The following LRRC9 variants were observed in gnomAD, a reference collection of about 807,000 sequenced individuals.
LRRC9 encodes leucine-rich repeat-containing protein 9.
LRRC9 carries 122 observed loss-of-function variants against 63.2 expected under a neutral mutation model. The observed-to-expected ratio is 1.93, with a 90% CI of 1.67 to 2.24. LRRC9 has a LOEUF of 2.24. LRRC9 is among the 30% of genes most tolerant of loss of function. The probability of loss-of-function intolerance (pLI) is 0.00; values close to 1 mark genes in which losing one functional copy is unlikely to be tolerated. For missense variants in LRRC9, 1,071 were observed against 627.7 expected (o/e 1.71, Z -7.55); for synonymous variants, 366 against 213.1 (o/e 1.72, Z -6.25).
rs1227089325 is a variant in LRRC9 at position 60,063,313 on chromosome 14, T to C, written c.4277-10T>C. On this transcript the variant is annotated splice_polypyrimidine_tract_variant and intron_variant, in intron 31 of 31. Transcript: ENST00000445360. ...CCACTATTTGACTAATTAAATCTTATTTCTTACAGAATTTTTGGGAGCAAC... is the reference window on the plus strand; with the variant it reads ...CCACTATTTGACTAATTAAATCTTACTTCTTACAGAATTTTTGGGAGCAAC... 2 of 701,512 alleles carry C rather than the reference T, an allele frequency of 2.9e-6. No individual in the cohort carries two copies. The highest frequency in any genetic ancestry group is 1.5e-5 in the South Asian group (1 of 67,356). The allele number at this position is 701,512 out of a possible 1,614,324, so 43.5% of individuals were successfully genotyped here.
In LRRC9 at chr14:59,938,265, TC is replaced by T; in HGVS notation, c.544-124del. ...GAGAGAAACATTTTAGGCATCTAAA[TC>T]ACTTTAATGTATTTAAGCGCATAAT... On this transcript the variant is annotated intron_variant, in intron 6 of 31. Coordinates refer to ENST00000445360, the Ensembl canonical transcript of LRRC9. The surrounding 1 kb of genome is among the most constrained non-coding windows in gnomAD (Gnocchi z 4.2). 2.2e-6 allele frequency: 1 copy of T among 462,858 alleles called. No individual in the cohort carries two copies. The highest frequency in any genetic ancestry group is 3.8e-6 in the Non-Finnish European group (1 of 264,140). The allele number at this position is 462,858 out of a possible 1,614,324, so 28.7% of individuals were successfully genotyped here.
rs183994778 is a variant in LRRC9, at chr14:60,051,975, C to T, written c.3991-1090C>T. Among the ~76,000 whole-genome samples the T allele has an allele frequency of 8.9e-3, 1,362 of 152,320 alleles. 17 individuals are homozygous for T. The highest frequency in any genetic ancestry group is 0.01 in the Middle Eastern group (3 of 294). On this transcript the variant is annotated intron_variant, in intron 29 of 31. Coordinates refer to ENST00000445360, the Ensembl canonical transcript of LRRC9. The surrounding 1 kb of genome is among the most constrained non-coding windows in gnomAD (Gnocchi z 4.7). ...CCATGTGGGCTGTCACCCCACCCTG[C>T]TTTTCTTTGTTCCCCATGGATCCAG...
chr14:60,038,526 C>G (rs1437555196), intron 29 of LRRC9, among the ~76,000 whole-genome samples: 2 of 152,130 alleles, frequency 1.3e-5, no homozygotes, highest in South Asian at 4.1e-4. Context: ...TTCTCTGAAG[C>G]AATTGTGAAT....
rs765865892 is a variant in LRRC9, at chr14:60,017,870, AG to A, written c.3318-500del. Among the ~76,000 whole-genome samples, 2 of 152,116 alleles carry A rather than the reference AG, an allele frequency of 1.3e-5. No homozygotes were observed. Among genetic ancestry groups the A allele is most frequent in the Non-Finnish European group, 2.9e-5 (2 of 67,992 alleles). Reference sequence around the variant, plus strand: ...TTCACACAGGGTGGAATGCCATAAAAGTTTCCAGAAGATACCACAGAAACTC... The same window carrying A: ...TTCACACAGGGTGGAATGCCATAAAATTTCCAGAAGATACCACAGAAACTC... On this transcript the variant is annotated intron_variant, in intron 24 of 31. Transcript: ENST00000445360. The surrounding 1 kb of genome is among the most constrained non-coding windows in gnomAD (Gnocchi z 4.0).
In LRRC9 at chr14:60,027,997, T is replaced by C; in HGVS notation, c.3817T>C (p.Ser1273Pro). The C allele has an allele frequency of 1.4e-6, 1 of 701,888 alleles. No homozygotes were observed. 43.5% of individuals were successfully genotyped at this position (701,888 alleles called of 1,614,324 possible). Residue 1273 changes from serine to proline, a missense_variant, in exon 28 of 32, where the codon TCT becomes CCT. Ser to Pro is a moderately conservative substitution (Grantham distance 74). Transcript: ENST00000445360. The surrounding 1 kb of genome is among the most constrained non-coding windows in gnomAD (Gnocchi z 4.0). ...TGACAGTGCTTTTGCCAAACCAAGT[T>C]CTTTATTGGCACTTCACTTGGAGGA... is the stretch of plus-strand genomic sequence containing the variant.
chr14:60,009,107 A>G (rs1207275671), intron 23 of LRRC9, among the ~76,000 whole-genome samples: 2 of 152,204 alleles, frequency 1.3e-5, no homozygotes, highest in Non-Finnish European at 2.9e-5. Context: ...TATCTGTCCT[A>G]TCTCTCTGTG....
chr14:60,013,747 T>C (rs1490217020), intron 23 of LRRC9, among the ~76,000 whole-genome samples: 1 of 152,190 alleles, frequency 6.6e-6, no homozygotes, highest in African/African-American at 2.4e-5. Context: ...TCTTGATTAA[T>C]GTTTAGGATA....
intron 29 of LRRC9, among the ~76,000 whole-genome samples, chr14:60,050,673 G>A (rs1893819144): frequency 6.6e-6 from 1 of 152,084 alleles, no homozygotes; most frequent in African/African-American, 2.4e-5. Flanking sequence ...TGTTTTCAAT[G>A]TTTTTGCATT....
chr14:59,949,802 C>A (rs1454096248), intron 8 of LRRC9, among the ~76,000 whole-genome samples: 1 of 147,924 alleles, frequency 6.8e-6, no homozygotes, highest in Non-Finnish European at 1.5e-5. Context: ...TATAGTTGAG[C>A]GGCTTTGAGT....
In LRRC9 at chr14:59,927,493, T is replaced by C. The variant is rs1889307349; in HGVS notation, c.-33-418T>C. Among the ~76,000 whole-genome samples, 1 of 152,008 alleles carries C rather than the reference T, an allele frequency of 6.6e-6. No homozygotes were observed. Among genetic ancestry groups the C allele is most frequent in the African/African-American group, 2.4e-5 (1 of 41,438 alleles). On this transcript the variant is annotated intron_variant, in intron 1 of 31. Transcript: ENST00000445360. The surrounding 1 kb of genome is among the most constrained non-coding windows in gnomAD (Gnocchi z 4.4). ...GTCTAGGTATACTTAGAGAACTGTG[T>C]TCACGTTTAGACACCGCAGTGTAAT...
intron 31 of LRRC9, 45 bp from the exon 32 acceptor site, chr14:60,061,966 T>C: frequency 2.5e-6 from 1 of 398,512 alleles, no homozygotes; most frequent in Non-Finnish European, 4.4e-6. Context: ...TGTTTCTCAT[T>C]GTTTCATAAT....
chr14:60,053,989 C>T lies in LRRC9; in HGVS notation c.4131+784C>T, dbSNP rs1454384844. ...AAGAGAGATGTTATGAAGACCTGGA[C>T]CACGGTAGAGAATATAAATGAATCT... On this transcript the variant is annotated intron_variant, in intron 30 of 31. Coordinates refer to ENST00000445360, the Ensembl canonical transcript of LRRC9. This position sits in a 1 kb window ranked among gnomAD's most constrained non-coding sequence, Gnocchi z 4.8. 4.6e-6 allele frequency: 2 copies of T among 438,028 alleles called. No homozygotes were observed. Among genetic ancestry groups the T allele is most frequent in the South Asian group, 3.3e-5 (2 of 60,574 alleles). The allele number at this position is 438,028 out of a possible 1,614,324, so 27.1% of individuals were successfully genotyped here.
rs1003015774 is a variant in LRRC9 at position 59,964,515 on chromosome 14, A to C, written c.1212-2074A>C. Among the ~76,000 whole-genome samples the C allele has an allele frequency of 1.4e-4, 22 of 152,316 alleles. 1 individual carries two copies. The highest frequency in any genetic ancestry group is 5.1e-4 in the African/African-American group (21 of 41,582). ...ATAGCTCCTGCCTTCCTGGGGAACCAGCCTAGGAGCTAGGTATTGTTTATT... is the reference window on the plus strand; with the variant it reads ...ATAGCTCCTGCCTTCCTGGGGAACCCGCCTAGGAGCTAGGTATTGTTTATT... On this transcript the variant is annotated intron_variant, in intron 10 of 31. Transcript: ENST00000445360. The surrounding 1 kb of genome is among the most constrained non-coding windows in gnomAD (Gnocchi z 4.4).
rs1409584442 is a variant in LRRC9, at chr14:60,004,891, C to CACACACAT, written c.2842+1100_2842+1101insTACACACA. Among the ~76,000 whole-genome samples the CACACACAT allele has an allele frequency of 2.7e-3, 409 of 152,090 alleles. 2 individuals are homozygous for CACACACAT. The highest frequency in any genetic ancestry group is 9.4e-3 in the African/African-American group (389 of 41,534). ...ATGTATATGTGTGTATACACACACA[C>CACACACAT]ACACACACACACACTTATCTGAATA... On this transcript the variant is annotated intron_variant, in intron 21 of 31. Coordinates refer to ENST00000445360, the Ensembl canonical transcript of LRRC9. The surrounding 1 kb of genome is among the most constrained non-coding windows in gnomAD (Gnocchi z 4.8).
In LRRC9 at chr14:60,013,869, T is replaced by C. The variant is rs529315638; in HGVS notation, c.3187-2791T>C. ...TCTTTTACCTTTTAGCTAATTTTTA[T>C]CTTTTAATTGATGAACGAAGACCAT... On this transcript the variant is annotated intron_variant, in intron 23 of 31. Transcript: ENST00000445360. Among the ~76,000 whole-genome samples, 3 of 152,328 alleles carry C rather than the reference T, an allele frequency of 2.0e-5. No homozygotes were observed. The East Asian group carries it at 5.8e-4, about 29-fold the overall frequency.
chr14:60,022,884 C>G lies in LRRC9; in HGVS notation c.3703+14C>G, dbSNP rs2140294580. 1.6e-6 allele frequency: 1 copy of G among 620,324 alleles called. No homozygotes were observed. The highest frequency in any genetic ancestry group is 2.9e-5 in the East Asian group (1 of 34,226). 38.4% of individuals were successfully genotyped at this position (620,324 alleles called of 1,614,324 possible). On this transcript the variant is annotated intron_variant, in intron 27 of 31. Coordinates refer to ENST00000445360, the Ensembl canonical transcript of LRRC9. ...TCTTTCTACAGGGTGAGTAGAAACA[C>G]TGTTACTGTATAAGTCTTTATTTTT...
intron 8 of LRRC9, among the ~76,000 whole-genome samples, chr14:59,947,062 G>C (rs1404740344): frequency 2.9e-4 from 43 of 148,016 alleles, no homozygotes; most frequent in Admixed American, 8.7e-4. Flanking sequence ...TCTAGTTCTA[G>C]ATCCCTGAGG....
intron 2 of LRRC9, 49 bp downstream of exon 2, chr14:59,928,040 A>G: frequency 1.5e-6 from 1 of 666,688 alleles, no homozygotes; most frequent in Middle Eastern, 2.4e-4. Flanking sequence ...GTAATATAAA[A>G]TGGAAAGTTT....
At chr14:59,946,101 C>T (rs939326577) in intron 8 of LRRC9, among the ~76,000 whole-genome samples, 1 of 151,202 alleles carries the variant, frequency 6.6e-6, no homozygotes, top group Non-Finnish European at 1.5e-5. Flanking sequence ...ATTTATATAT[C>T]ATTGCACTAT....
Sources: gnomAD v4.1 joint callset for allele counts (sites outside exome capture counted in the v4.1 genomes callset) on GRCh38, gnomAD v4.1.1 for gene constraint, Gnocchi (gnomAD v3.1) non-coding constraint, MANE v1.5 for transcripts, NCBI Gene and HGNC (gene_info 2026-07-23, HGNC 2026-07-21) for gene names.